Variants in NVL observed in about 807,000 individuals in gnomAD.
NVL encodes the protein nuclear valosin-containing protein-like.
NVL carries 84 observed loss-of-function variants against 110.2 expected under a neutral mutation model. The ratio of observed to expected loss-of-function variants is 0.76; its 90% CI spans 0.64 to 0.91. The LOEUF (loss-of-function observed/expected upper bound fraction) is 0.91. NVL is among the 40% of genes least tolerant of loss of function. The probability of loss-of-function intolerance (pLI) is 0.00; values close to 1 mark genes in which losing one functional copy is unlikely to be tolerated. For synonymous variants in NVL, 354 were observed against 361.1 expected (o/e 0.98, Z 0.22); for missense variants, 882 against 1,035.9 (o/e 0.85, Z 2.04).
chr1:224,254,758 T>C (rs933989251), intron 18 of NVL, among the ~76,000 whole-genome samples: 1 of 151,802 alleles, frequency 6.6e-6, no homozygotes, highest in African/African-American at 2.4e-5. Flanking sequence ...AATGGCCAAG[T>C]TGAGACAACT....
chr1:224,320,807 A>T (rs1462824562), intron 2 of NVL, among the ~76,000 whole-genome samples: 1 of 152,116 alleles, frequency 6.6e-6, no homozygotes, highest in East Asian at 1.9e-4. Context: ...GTGCCAGCAC[A>T]CCTAGTTAAT....
chr1:224,300,631 A>T lies in NVL; in HGVS notation c.993T>A (p.Ala331=). 1 of 1,613,802 alleles carries T rather than the reference A, an allele frequency of 6.2e-7. No homozygotes were observed. ...CGGATACTCCAGACACAATCTCTGG[A>T]GCAGCCACTTTCAAAATTGGCAGGT... ...ELDLPILKVA[A]PEIVSGVSGE... is the part of the protein sequence containing the mutation. Residue 331 remains alanine (A), a synonymous_variant, in exon 10 of 23, where the codon GCT becomes GCA. Coordinates refer to ENST00000281701, the MANE Select transcript of NVL (RefSeq NM_002533.4).
At chr1:224,328,843 C>T (rs1302461024) in intron 1 of NVL, among the ~76,000 whole-genome samples, 1 of 152,124 alleles carries the variant, frequency 6.6e-6, no homozygotes, top group African/African-American at 2.4e-5. Context: ...GATATGCTGA[C>T]TAGGCAGCTG....
At chr1:224,309,290 G>A (rs1375030206) in intron 5 of NVL, among the ~76,000 whole-genome samples, 1 of 152,106 alleles carries the variant, frequency 6.6e-6, no homozygotes, top group Non-Finnish European at 1.5e-5. Context: ...AGGCCAAACT[G>A]GGAGAACTGC....
intron 17 of NVL, among the ~76,000 whole-genome samples, chr1:224,271,775 G>A (rs1380877193): frequency 6.6e-6 from 1 of 152,146 alleles, no homozygotes; most frequent in Non-Finnish European, 1.5e-5. Flanking sequence ...CACTTTAGGA[G>A]GCCGAGGCGG....
At chr1:224,240,023 G>T (rs182739022) in intron 19 of NVL, among the ~76,000 whole-genome samples, 2 of 148,852 alleles carry the variant, frequency 1.3e-5, no homozygotes, top group Admixed American at 1.3e-4. Flanking sequence ...TCAGCCCCGA[G>T]TAGCTGGGAT....
chr1:224,249,254 C>T (rs2102753710), intron 19 of NVL, among the ~76,000 whole-genome samples: 2 of 152,132 alleles, frequency 1.3e-5, no homozygotes, highest in Middle Eastern at 3.4e-3. Flanking sequence ...AGGGATTCTC[C>T]AGCCTCAGCC....
intron 18 of NVL, among the ~76,000 whole-genome samples, chr1:224,254,773 C>T (rs1387178094): frequency 2.0e-5 from 3 of 151,684 alleles, no homozygotes; most frequent in African/African-American, 7.3e-5. Flanking sequence ...ACAACTGACA[C>T]AGGCATTACC....
intron 6 of NVL, among the ~76,000 whole-genome samples, chr1:224,307,044 T>C (rs1198949240): frequency 6.6e-6 from 1 of 152,228 alleles, no homozygotes; most frequent in Non-Finnish European, 1.5e-5. Context: ...GTGAGCCACA[T>C]ATGAAATTCA....
intron 19 of NVL, among the ~76,000 whole-genome samples, chr1:224,242,498 T>A (rs1422934924): frequency 1.3e-5 from 2 of 150,136 alleles, no homozygotes; most frequent in African/African-American, 4.9e-5. Context: ...TTTTTTTTTT[T>A]TTTTTTTGAG....
At chr1:224,269,356 G>A (rs180786856) in intron 17 of NVL, among the ~76,000 whole-genome samples, 1 of 152,242 alleles carries the variant, frequency 6.6e-6, no homozygotes, top group East Asian at 1.9e-4. Context: ...AAAGTGCTGG[G>A]ATTACAGGCT....
In NVL at chr1:224,311,794, G is replaced by A; in HGVS notation, c.342+6C>T. Reference sequence around the variant, plus strand: ...TCTAAGTGGACCCACTAAATGTTTGGCTTACCTGTGGATCTGGGTAGTCTT... The same window carrying A: ...TCTAAGTGGACCCACTAAATGTTTGACTTACCTGTGGATCTGGGTAGTCTT... On this transcript the variant is annotated splice_donor_region_variant and intron_variant, in intron 5 of 22. Coordinates refer to ENST00000281701, the MANE Select transcript of NVL (RefSeq NM_002533.4). 1.2e-6 allele frequency: 2 copies of A among 1,611,138 alleles called. No individual in the cohort carries two copies. The highest frequency in any genetic ancestry group is 1.7e-6 in the Non-Finnish European group (2 of 1,177,394).
At chr1:224,325,636 G>A (rs945205148) in intron 2 of NVL, among the ~76,000 whole-genome samples, 25 of 152,130 alleles carry the variant, frequency 1.6e-4, no homozygotes, top group Non-Finnish European at 3.5e-4. Context: ...GGGAAGCTGA[G>A]GCAGGAGAAT....
intron 16 of NVL, among the ~76,000 whole-genome samples, chr1:224,276,650 T>C (rs775235609): frequency 4.6e-5 from 7 of 152,196 alleles, no homozygotes; most frequent in Non-Finnish European, 1.0e-4. Flanking sequence ...TATTTTTTCA[T>C]TTGACTAGAA....
intron 5 of NVL, among the ~76,000 whole-genome samples, chr1:224,310,729 C>A (rs1003043179): frequency 1.3e-5 from 2 of 150,978 alleles, no homozygotes; most frequent in African/African-American, 4.9e-5. Context: ...CTCTTTCTTT[C>A]CTTCTCCTCT....
intron 4 of NVL, among the ~76,000 whole-genome samples, chr1:224,313,667 T>C (rs1669774982): frequency 6.6e-6 from 1 of 151,884 alleles, no homozygotes; most frequent in African/African-American, 2.4e-5. Flanking sequence ...AAATATGAAA[T>C]AACAAAAAAA....
At chr1:224,325,154 C>T (rs1671016300) in intron 2 of NVL, among the ~76,000 whole-genome samples, 2 of 151,530 alleles carry the variant, frequency 1.3e-5, no homozygotes, top group African/African-American at 4.9e-5. Flanking sequence ...CCCAGCTACT[C>T]AGGAGGCTGA....
At chr1:224,326,781 G>A (rs904793640) in intron 1 of NVL, among the ~76,000 whole-genome samples, 6 of 152,128 alleles carry the variant, frequency 3.9e-5, no homozygotes, top group African/African-American at 1.4e-4. Context: ...AGGGTAGGAG[G>A]GGATATTTTA....
intron 4 of NVL, among the ~76,000 whole-genome samples, chr1:224,316,445 G>A (rs1412601729): frequency 1.3e-5 from 2 of 152,056 alleles, no homozygotes; most frequent in South Asian, 2.1e-4. Flanking sequence ...CAACACTTTG[G>A]GAGGATGAGG....
Sources: allele counts gnomAD v4.1 joint callset (sites outside exome capture counted in the v4.1 genomes callset), GRCh38; gene constraint gnomAD v4.1.1; transcripts MANE v1.5; gene names NCBI Gene and HGNC (gene_info 2026-07-23, HGNC 2026-07-21).